Variants in CAPN8 observed in about 807,000 individuals in gnomAD.
The protein encoded by CAPN8 is calpain 8.
A neutral mutation model predicts 80.9 loss-of-function variants in CAPN8; 87 were observed. That is an observed-to-expected ratio of 1.07 (90% CI 0.90 to 1.28). CAPN8 has a LOEUF of 1.28. Ranked by LOEUF, CAPN8 falls within the 50% of genes most tolerant of loss-of-function variation. The pLI is 0.00. For missense variants in CAPN8, 757 were observed against 702.0 expected, an observed-to-expected ratio of 1.08 and a Z score of -0.89; for synonymous variants, 299 against 273.8, an observed-to-expected ratio of 1.09 and a Z score of -0.91.
chr1:223,631,213 A>C (rs914370917), intron 2 of CAPN8, among the ~76,000 whole-genome samples: 1 of 152,094 alleles, frequency 6.6e-6, no homozygotes, highest in Non-Finnish European at 1.5e-5. Context: ...TTCTCCATGA[A>C]GCTTTCTCTG....
intron 2 of CAPN8, among the ~76,000 whole-genome samples, chr1:223,646,624 G>A (rs1220293388): frequency 6.6e-6 from 1 of 152,218 alleles, no homozygotes; most frequent in Non-Finnish European, 1.5e-5. Flanking sequence ...ATCTCTTTTA[G>A]TTATGCCCTT....
chr1:223,627,031 C>T lies in CAPN8; in HGVS notation c.687G>A (p.Arg229=). The T allele has an allele frequency of 6.4e-7, 1 of 1,551,988 alleles. No homozygotes were observed. Among genetic ancestry groups the T allele is most frequent in the South Asian group, 1.2e-5 (1 of 84,060 alleles). ...KPPANLYQII[R]KALCAGSLLG... ...GCAGAGACCCCGCACAGAGGGCCTT[C>T]CGGATGATCTGATATAGATTGGCTG... Residue 229 remains arginine (R), a synonymous_variant, in exon 5 of 21, where the codon CGG becomes CGA. Transcript: ENST00000366872.
At chr1:223,619,495 G>C (rs1657314152) in intron 8 of CAPN8, 42 bp from the exon 9 acceptor site, 1 of 1,549,332 alleles carries the variant, frequency 6.5e-7, no homozygotes, top group Non-Finnish European at 8.7e-7. Flanking sequence ...AAGAGGGCTG[G>C]GTTGTGATTA....
rs576002697 is a variant in CAPN8 at position 223,663,774 on chromosome 1, A to G, written c.237+1636T>C. On this transcript the variant is annotated intron_variant, in intron 1 of 20. Transcript: ENST00000366872. ...GGGCGGGAGGGCAGCATGGCCAAGG[A>G]GTTATTCTCAGAGATGAAAACTGTT... 4.4e-4 allele frequency among the ~76,000 whole-genome samples: 67 copies of G among 152,372 alleles called. 1 individual carries two copies. The highest frequency in any genetic ancestry group is 2.8e-3 in the Admixed American group (43 of 15,302).
intron 1 of CAPN8, among the ~76,000 whole-genome samples, chr1:223,663,499 A>G (rs1469656498): frequency 6.6e-6 from 1 of 151,746 alleles, no homozygotes; most frequent in Non-Finnish European, 1.5e-5. Flanking sequence ...CTTTATTCAC[A>G]CCTGTGTCTC....
At chr1:223,554,478 G>T (rs1050481802) in intron 13 of CAPN8, among the ~76,000 whole-genome samples, 10 of 152,062 alleles carry the variant, frequency 6.6e-5, no homozygotes, top group Non-Finnish European at 7.4e-5. Flanking sequence ...AAATTAGCTG[G>T]GTGTAGTGGT....
At chr1:223,611,934 G>A (rs572841196) in intron 11 of CAPN8, among the ~76,000 whole-genome samples, 4 of 152,320 alleles carry the variant, frequency 2.6e-5, no homozygotes, top group African/African-American at 9.6e-5. Context: ...CCAGCTAGAG[G>A]AAGCCCAGAT....
intron 5 of CAPN8, among the ~76,000 whole-genome samples, chr1:223,626,338 T>C (rs2102712305): frequency 6.6e-6 from 1 of 152,016 alleles, no homozygotes; most frequent in Non-Finnish European, 1.5e-5. Context: ...CCACATCTCC[T>C]GCTGGGGTTT....
intron 6 of CAPN8, 31 bp downstream of exon 6, chr1:223,625,774 G>A (rs927293906): frequency 3.3e-5 from 50 of 1,512,628 alleles, no homozygotes; most frequent in Admixed American, 9.8e-5. Context: ...ATTATCACAC[G>A]TTACCTTCCC....
At chr1:223,657,437 G>A (rs1178885111) in intron 1 of CAPN8, among the ~76,000 whole-genome samples, 2 of 152,108 alleles carry the variant, frequency 1.3e-5, no homozygotes, top group African/African-American at 4.8e-5. Flanking sequence ...ACTCAATAGG[G>A]GTTTGGAAGA....
intron 4 of CAPN8, among the ~76,000 whole-genome samples, chr1:223,627,634 A>G (rs1657628744): frequency 6.6e-6 from 1 of 152,252 alleles, no homozygotes; most frequent in Admixed American, 6.5e-5. Flanking sequence ...CTGAGGAAAG[A>G]GCAGACACTT....
At chr1:223,544,226 T>C (rs1177622443) in intron 18 of CAPN8, 43 bp from the exon 19 acceptor site, 2 of 713,606 alleles carry the variant, frequency 2.8e-6, no homozygotes, top group Non-Finnish European at 5.2e-6. Flanking sequence ...AGTGGAGGAC[T>C]CAGCACTGTC....
chr1:223,628,662 C>A lies in CAPN8; in HGVS notation c.426G>T (p.Gln142His). 6.5e-7 allele frequency: 1 copy of A among 1,549,862 alleles called. No homozygotes were observed. Among genetic ancestry groups the A allele is most frequent in the Non-Finnish European group, 8.7e-7 (1 of 1,145,342 alleles). The change falls in exon 3 of 21, where the codon CAG becomes CAT. Residue 142 changes from glutamine to histidine, a missense_variant and splice_region_variant. By Grantham distance (24) the Gln-to-His change is conservative. Transcript: ENST00000366872. The stretch of plus-strand genomic sequence containing the variant: ...AAAGGGCCAGAGCAGAGCACAGTAC[C>A]TGAAAGTGAAAGATTCCCGCATAGT... ...QENYAGIFHF[Q>H]FWQYGEWVEV...
At chr1:223,625,938 G>T (rs1251648161) in intron 5 of CAPN8, 50 bp from the exon 6 acceptor site, 4 of 1,436,864 alleles carry the variant, frequency 2.8e-6, no homozygotes, top group South Asian at 2.5e-5. Context: ...CCTCTCAGGG[G>T]CCGGCCGTAG....
intron 9 of CAPN8, chr1:223,618,166 G>A: frequency 2.0e-6 from 3 of 1,482,524 alleles, no homozygotes; most frequent in Non-Finnish European, 2.8e-6. Flanking sequence ...GGGAGCAGGA[G>A]GTGAAAAGTA....
chr1:223,548,111 C>T (rs920756199), intron 16 of CAPN8, among the ~76,000 whole-genome samples: 3 of 152,136 alleles, frequency 2.0e-5, no homozygotes, highest in Non-Finnish European at 4.4e-5. Flanking sequence ...AAGGAAAATC[C>T]TTCCTCCCGT....
intron 1 of CAPN8, among the ~76,000 whole-genome samples, 156 bp downstream of exon 1, chr1:223,665,254 A>G (rs920106802): frequency 1.3e-5 from 2 of 152,218 alleles, no homozygotes; most frequent in Non-Finnish European, 2.9e-5. Context: ...CTCCATCTCA[A>G]AAAAATAAAA....
rs1456363065 is a variant in CAPN8, at chr1:223,627,113, T to A, written c.605A>T (p.Glu202Val). The A allele has an allele frequency of 4.5e-6, 7 of 1,552,136 alleles. No homozygotes were observed. In the African/African-American group the frequency reaches 8.2e-5, roughly 18 times the overall value. Residue 202 changes from glutamate (E) to valine (V), a missense_variant, in exon 5 of 21, where the codon GAG (glutamate) becomes GTG (valine). Glu to Val is a moderately radical substitution (Grantham distance 121). Transcript: ENST00000366872. ...YEALAGGSTV[E>V]GFEDFTGGIS... ...GCCACCTGTGAAATCCTCAAACCCC[T>A]CCACTGTGGAACCTCCAGCGAGAGC... is the stretch of plus-strand genomic sequence containing the variant.
At chr1:223,546,889 GTT>G (rs1558335196) in intron 16 of CAPN8, among the ~76,000 whole-genome samples, 218 of 11,172 alleles carry the variant, frequency 0.02, 1 homozygote, top group African/African-American at 0.038. Flanking sequence ...TTTTGTGGTT[GTT>G]GTTGTTGTTG....
Sources: gnomAD v4.1 joint callset for allele counts (sites outside exome capture counted in the v4.1 genomes callset) on GRCh38, gnomAD v4.1.1 for gene constraint, MANE v1.5 for transcripts, NCBI Gene and HGNC (gene_info 2026-07-23, HGNC 2026-07-21) for gene names.